MAP2K5: variants seen among roughly 807,000 people sequenced by gnomAD.
MAP2K5 encodes the protein mitogen-activated protein kinase kinase 5.
Under a neutral mutation model 83.1 loss-of-function variants are expected in MAP2K5, and 49 were observed. That is an observed-to-expected ratio of 0.59 (90% CI 0.47 to 0.75). MAP2K5 has a LOEUF of 0.75. Ranked by LOEUF, MAP2K5 falls within the 30% of genes least tolerant of loss-of-function variation. MAP2K5 has a pLI of 0.00. For missense variants in MAP2K5, 457 were observed against 557.5 expected (o/e 0.82, Z 1.82); for synonymous variants, 202 against 191.8 (o/e 1.05, Z -0.44).
At chr15:67,681,424 G>A (rs939996638) in intron 13 of MAP2K5, among the ~76,000 whole-genome samples, 6 of 152,282 alleles carry the variant, frequency 3.9e-5, no homozygotes, top group African/African-American at 7.2e-5. Context: ...AGTATGCAGC[G>A]GCACCTTCCA....
intron 21 of MAP2K5, 91 bp from the exon 22 acceptor site, chr15:67,806,555 A>G (rs559811263): frequency 8.9e-7 from 1 of 1,124,392 alleles, no homozygotes; most frequent in East Asian, 2.6e-5. Context: ...GGGGAAAGAG[A>G]TCAGATCCAG....
At chr15:67,545,473 G>C (rs2084371627) in intron 1 of MAP2K5, among the ~76,000 whole-genome samples, 1 of 152,168 alleles carries the variant, frequency 6.6e-6, no homozygotes, top group Non-Finnish European at 1.5e-5. Context: ...CTACCTCTCT[G>C]AGCCTTAGTT....
rs547918381 is a variant in MAP2K5, at chr15:67,783,299, G to T, written c.1242+10547G>T. On this transcript the variant is annotated intron_variant, in intron 21 of 21. Transcript: ENST00000178640. This position sits in a 1 kb window ranked among gnomAD's most constrained non-coding sequence, Gnocchi z 5.1. The stretch of plus-strand genomic sequence containing the variant: ...AATGTGAGAATTGCCAGAGACCCCC[G>T]CTCACCTTCTCCTCCCACCCTCACC... Among the ~76,000 whole-genome samples the T allele has an allele frequency of 2.0e-5, 3 of 152,080 alleles. No homozygotes were observed. Among genetic ancestry groups the T allele is most frequent in the African/African-American group, 7.2e-5 (3 of 41,404 alleles).
In MAP2K5 at chr15:67,738,095, G is replaced by C. The variant is rs1052467100; in HGVS notation, c.1075-10136G>C. On this transcript the variant is annotated intron_variant, in intron 17 of 21. Coordinates refer to ENST00000178640, the MANE Select transcript of MAP2K5 (RefSeq NM_145160.3). The surrounding 1 kb of genome is among the most constrained non-coding windows in gnomAD (Gnocchi z 4.1). ...TCGAACTCCCGACCTCAGGTGACCT[G>C]CCTGCCTCAGCCTCCCAGAGTACTG... Among the ~76,000 whole-genome samples the C allele has an allele frequency of 7.2e-5, 11 of 151,956 alleles. No individual in the cohort carries two copies. The highest frequency in any genetic ancestry group is 1.5e-4 in the Non-Finnish European group (10 of 67,972).
At position 67,577,565 on chromosome 15, in the gene MAP2K5, C is replaced by T. The variant is rs1050945567; in HGVS notation, c.253-3189C>T. On this transcript the variant is annotated intron_variant, in intron 3 of 21. Coordinates refer to ENST00000178640, the MANE Select transcript of MAP2K5 (RefSeq NM_145160.3). The surrounding 1 kb of genome is among the most constrained non-coding windows in gnomAD (Gnocchi z 4.1). ...CAAAGTTTAGGGGTGTTTTTTTGGT[C>T]GTTGCTGTTTGTTTCTTTGTTTTTT... 3.3e-5 allele frequency among the ~76,000 whole-genome samples: 5 copies of T among 151,856 alleles called. No individual in the cohort carries two copies. The highest frequency in any genetic ancestry group is 7.3e-5 in the African/African-American group (3 of 41,336).
At chr15:67,666,869 T>C (rs1251416766) in intron 13 of MAP2K5, among the ~76,000 whole-genome samples, 1 of 152,198 alleles carries the variant, frequency 6.6e-6, no homozygotes, top group Non-Finnish European at 1.5e-5. Flanking sequence ...TACATCTGTC[T>C]CAATGGAAAG....
chr15:67,556,680 T>A (rs555135112), intron 2 of MAP2K5, among the ~76,000 whole-genome samples: 1 of 152,086 alleles, frequency 6.6e-6, no homozygotes, highest in Middle Eastern at 3.4e-3. Context: ...GCCTCCCTAG[T>A]AGCTGGGATT....
Position 67,565,638 on chromosome 15 carries a change from TTTAA to T in MAP2K5, c.252+2292_252+2295del, listed in dbSNP as rs1402715211. On this transcript the variant is annotated intron_variant, in intron 3 of 21. Coordinates refer to ENST00000178640, the MANE Select transcript of MAP2K5 (RefSeq NM_145160.3). The surrounding 1 kb of genome is among the most constrained non-coding windows in gnomAD (Gnocchi z 4.1). The stretch of plus-strand genomic sequence containing the variant: ...TATGCTTATTTTCTCAAATTCAGTG[TTTAA>T]TTATTTTTGTGTTGTAGGAAAATAT... 1.9e-5 allele frequency among the ~76,000 whole-genome samples: 2 copies of T among 107,818 alleles called. No homozygotes were observed. The highest frequency in any genetic ancestry group is 1.8e-5 in the Non-Finnish European group (1 of 56,546). The allele number at this position is 107,818 out of a possible 152,430, so 70.7% of individuals were successfully genotyped here.
rs536793000 is a variant in MAP2K5, at chr15:67,726,330, A to G, written c.1045-1586A>G. ...GTTTTAGAACTTTGATAACTTCAGC[A>G]TATTCATGTCTAAGCAACAAAATAT... On this transcript the variant is annotated intron_variant, in intron 16 of 21. Coordinates refer to ENST00000178640, the MANE Select transcript of MAP2K5 (RefSeq NM_145160.3). Among the ~76,000 whole-genome samples, 5 of 152,334 alleles carry G rather than the reference A, an allele frequency of 3.3e-5. No individual in the cohort carries two copies. The East Asian group carries it at 9.6e-4, about 29-fold the overall frequency.
rs149069038 is a variant in MAP2K5, at chr15:67,733,741, C to A, written c.1074+5796C>A. Among the ~76,000 whole-genome samples, 22 of 152,300 alleles carry A rather than the reference C, an allele frequency of 1.4e-4. No individual in the cohort carries two copies. In the East Asian group the frequency reaches 4.2e-3, roughly 29 times the overall value. On this transcript the variant is annotated intron_variant, in intron 17 of 21. Coordinates refer to ENST00000178640, the MANE Select transcript of MAP2K5 (RefSeq NM_145160.3). ...TGACATATTGCTTGTCTCAAAGAGG[C>A]ATTCTTAAATCCCAATACAAGTTAA...
In MAP2K5 at chr15:67,741,736, G is replaced by A. The variant is rs185525292; in HGVS notation, c.1075-6495G>A. Reference sequence around the variant, plus strand: ...AACCAAAATACCAACTGATCATAAGGAAGAAAACAGGGATGTTCATTCAAG... The same window carrying A: ...AACCAAAATACCAACTGATCATAAGAAAGAAAACAGGGATGTTCATTCAAG... On this transcript the variant is annotated intron_variant, in intron 17 of 21. Coordinates refer to ENST00000178640, the MANE Select transcript of MAP2K5 (RefSeq NM_145160.3). Among the ~76,000 whole-genome samples, 600 of 152,160 alleles carry A rather than the reference G, an allele frequency of 3.9e-3. 2 individuals carry two copies. Among genetic ancestry groups the A allele is most frequent in the Non-Finnish European group, 6.2e-3 (423 of 68,004 alleles).
rs141291231 is a variant in MAP2K5, at chr15:67,580,811, A to G, written c.310A>G (p.Ile104Val). ...TGGACAGTTAATAGAGCCTCTGCAG[A>G]TATTTCCAAGAGGTAATGTTGAGCA... ...VNGQLIEPLQ[I>V]FPRACKPPGE... The change falls in exon 4 of 22, where the codon ATA becomes GTA. Residue 104 changes from isoleucine to valine, a missense_variant. By Grantham distance (29) the Ile-to-Val change is conservative (BLOSUM62 3). Coordinates refer to ENST00000178640, the MANE Select transcript of MAP2K5 (RefSeq NM_145160.3). The G allele has an allele frequency of 1.2e-6, 2 of 1,607,090 alleles. No individual in the cohort carries two copies. The highest frequency in any genetic ancestry group is 8.5e-7 in the Non-Finnish European group (1 of 1,174,706).
chr15:67,584,059 T>C (rs145788635), intron 4 of MAP2K5, among the ~76,000 whole-genome samples: 5 of 152,266 alleles, frequency 3.3e-5, no homozygotes, highest in African/African-American at 9.6e-5. Flanking sequence ...ATAATTCTGA[T>C]GTAATAACAT....
chr15:67,606,921 A>G (rs2085789552), intron 8 of MAP2K5, among the ~76,000 whole-genome samples: 1 of 152,234 alleles, frequency 6.6e-6, no homozygotes, highest in African/African-American at 2.4e-5. Flanking sequence ...TAGTACCCAG[A>G]AAACCTTGAC....
intron 21 of MAP2K5, 68 bp from the exon 22 acceptor site, chr15:67,806,578 C>G: frequency 7.4e-7 from 1 of 1,355,468 alleles, no homozygotes; most frequent in Non-Finnish European, 1.0e-6. Context: ...TGAGGGCAGG[C>G]CCTGGAAAGT....
At chr15:67,686,208 C>A (rs2087949131) in intron 13 of MAP2K5, among the ~76,000 whole-genome samples, 1 of 152,144 alleles carries the variant, frequency 6.6e-6, no homozygotes, top group African/African-American at 2.4e-5. Context: ...AAATGTCAAA[C>A]TGTATAAAAG....
chr15:67,754,998 G>A (rs1318965531), intron 19 of MAP2K5, among the ~76,000 whole-genome samples: 4 of 152,174 alleles, frequency 2.6e-5, no homozygotes, highest in Non-Finnish European at 5.9e-5. Flanking sequence ...TTGAGATGGA[G>A]TCTTGCTCTG....
intron 2 of MAP2K5, among the ~76,000 whole-genome samples, chr15:67,553,776 G>A (rs565811453): frequency 3.8e-4 from 58 of 151,336 alleles, no homozygotes; most frequent in African/African-American, 1.2e-3. Flanking sequence ...AGCCGGGCGC[G>A]GTGGCGGGCG....
rs1693070288 is a variant in MAP2K5 at position 67,665,845 on chromosome 15, T to C, written c.847+1200T>C. The stretch of plus-strand genomic sequence containing the variant: ...GTATAAATAAGTGTGTAAACAAATT[T>C]GGTGGATGAAAAAAAATTGAACATT... On this transcript the variant is annotated intron_variant, in intron 13 of 21. Transcript: ENST00000178640. The surrounding 1 kb of genome is among the most constrained non-coding windows in gnomAD (Gnocchi z 4.2). 1.3e-5 allele frequency among the ~76,000 whole-genome samples: 2 copies of C among 152,148 alleles called. No homozygotes were observed. The highest frequency in any genetic ancestry group is 4.1e-4 in the South Asian group (2 of 4,826).
Sources: allele counts gnomAD v4.1 joint callset (sites outside exome capture counted in the v4.1 genomes callset), GRCh38; gene constraint gnomAD v4.1.1; non-coding constraint Gnocchi (gnomAD v3.1); transcripts MANE v1.5; gene names NCBI Gene and HGNC (gene_info 2026-07-23, HGNC 2026-07-21).